The following GABRB1 variants were observed in gnomAD, a reference collection of about 807,000 sequenced individuals.
GABRB1 encodes the protein gamma-aminobutyric acid type A receptor subunit beta1.
A neutral mutation model predicts 51.6 loss-of-function variants in GABRB1; 17 were observed. That is an observed-to-expected ratio of 0.33 (90% CI 0.23 to 0.49). The LOEUF (loss-of-function observed/expected upper bound fraction) is 0.49, where lower values mean the gene tolerates loss of function less well. GABRB1 is among the 20% of genes least tolerant of loss of function. GABRB1 has a pLI of 0.99. For synonymous variants in GABRB1, 247 were observed against 218.9 expected, an observed-to-expected ratio of 1.13 and a Z score of -1.14; for missense variants, 410 against 600.6, an observed-to-expected ratio of 0.68 and a Z score of 3.32.
intron 5 of GABRB1, among the ~76,000 whole-genome samples, chr4:47,326,891 C>G (rs1044938055): frequency 6.6e-6 from 1 of 152,098 alleles, no homozygotes; most frequent in Non-Finnish European, 1.5e-5. Flanking sequence ...TGTTTCCATG[C>G]TTGTTGTTTC....
chr4:47,380,380 G>A (rs1727552099), intron 5 of GABRB1, among the ~76,000 whole-genome samples: 1 of 152,172 alleles, frequency 6.6e-6, no homozygotes, highest in African/African-American at 2.4e-5. Flanking sequence ...GCTCTAAGCT[G>A]TAGAAAAGAA....
At chr4:47,035,812 C>T (rs369879292) in intron 3 of GABRB1, among the ~76,000 whole-genome samples, 6 of 152,154 alleles carry the variant, frequency 3.9e-5, no homozygotes, top group Non-Finnish European at 8.8e-5. Flanking sequence ...ATTTTCTCTT[C>T]GAACAGTAGT....
intron 4 of GABRB1, among the ~76,000 whole-genome samples, chr4:47,308,552 A>C (rs1287588153): frequency 6.6e-6 from 1 of 152,002 alleles, no homozygotes; most frequent in South Asian, 2.1e-4. Context: ...CTTGAATTTT[A>C]CTTTACTCCT....
At chr4:47,300,472 T>A (rs974638997) in intron 4 of GABRB1, among the ~76,000 whole-genome samples, 2 of 152,140 alleles carry the variant, frequency 1.3e-5, no homozygotes, top group African/African-American at 2.4e-5. Context: ...ATATTTTTCA[T>A]AATCTTAAAT....
At chr4:47,261,046 A>T (rs1233578132) in intron 4 of GABRB1, among the ~76,000 whole-genome samples, 1 of 152,144 alleles carries the variant, frequency 6.6e-6, no homozygotes, top group Non-Finnish European at 1.5e-5. Flanking sequence ...GATGGGACAA[A>T]TCTCAAAATA....
At chr4:47,365,907 T>C (rs1380789203) in intron 5 of GABRB1, among the ~76,000 whole-genome samples, 1 of 152,166 alleles carries the variant, frequency 6.6e-6, no homozygotes, top group Non-Finnish European at 1.5e-5. Context: ...GATGCTTTGT[T>C]GTCCAGTTCT....
chr4:47,180,758 T>C (rs1488490113), intron 4 of GABRB1, among the ~76,000 whole-genome samples: 2 of 152,064 alleles, frequency 1.3e-5, no homozygotes, highest in Non-Finnish European at 1.5e-5. Context: ...CAGTTATAAT[T>C]TCATTTAATA....
intron 3 of GABRB1, among the ~76,000 whole-genome samples, chr4:47,121,893 T>G (rs1445587797): frequency 1.3e-5 from 2 of 152,206 alleles, no homozygotes; most frequent in African/African-American, 4.8e-5. Flanking sequence ...CATACTTCAA[T>G]GCATTTAATT....
In GABRB1 at chr4:47,060,880, A is replaced by T. The variant is rs1389780797; in HGVS notation, c.240+28396A>T. ...ACATTATTCATAATTGGTTGGATAA[A>T]TTATACTATTATTCATTTTAAGCAT... On this transcript the variant is annotated intron_variant, in intron 3 of 8. Transcript: ENST00000295454. Among the ~76,000 whole-genome samples the T allele has an allele frequency of 2.0e-5, 3 of 152,326 alleles. No homozygotes were observed. The East Asian group carries it at 5.8e-4, about 29-fold the overall frequency.
chr4:47,052,886 A>G (rs1726417486), intron 3 of GABRB1, among the ~76,000 whole-genome samples: 1 of 152,246 alleles, frequency 6.6e-6, no homozygotes, highest in Non-Finnish European at 1.5e-5. Flanking sequence ...TGAGATGAGT[A>G]CAAGTTTAGT....
chr4:47,420,060 A>C (rs1363037348), intron 8 of GABRB1, among the ~76,000 whole-genome samples: 2 of 152,222 alleles, frequency 1.3e-5, no homozygotes, highest in African/African-American at 4.8e-5. Context: ...ATATATGATT[A>C]ATATACTGCA....
At chr4:47,072,314 T>G (rs1190805756) in intron 3 of GABRB1, among the ~76,000 whole-genome samples, 3 of 152,188 alleles carry the variant, frequency 2.0e-5, no homozygotes. Flanking sequence ...TTCTGGAATG[T>G]ACATTGTTGA....
intron 4 of GABRB1, among the ~76,000 whole-genome samples, chr4:47,316,883 T>C (rs1484117291): frequency 3.3e-5 from 5 of 151,968 alleles, no homozygotes; most frequent in Non-Finnish European, 5.9e-5. Flanking sequence ...AATAAATTGG[T>C]AATGACAGAG....
chr4:47,290,748 C>T (rs1180626952), intron 4 of GABRB1, among the ~76,000 whole-genome samples: 2 of 152,078 alleles, frequency 1.3e-5, no homozygotes, highest in East Asian at 3.9e-4. Context: ...GCATTTTGCC[C>T]CTGCCCTAGA....
intron 5 of GABRB1, among the ~76,000 whole-genome samples, chr4:47,369,438 C>T (rs1316872419): frequency 1.3e-5 from 1 of 76,130 alleles, no homozygotes; most frequent in Non-Finnish European, 2.9e-5. Flanking sequence ...TCTATTTACA[C>T]ACACACACAC....
In GABRB1 at chr4:46,995,751, A is replaced by T. The variant is rs546005489; in HGVS notation, c.-20+1825A>T. Among the ~76,000 whole-genome samples the T allele has an allele frequency of 3.9e-5, 6 of 152,358 alleles. No homozygotes were observed. In the East Asian group the frequency reaches 1.2e-3, roughly 29 times the overall value. On this transcript the variant is annotated intron_variant, in intron 1 of 3. Transcript: ENST00000513567. ...CAATTTTCATTTTAAAAATACACAT[A>T]TCAAAAAATTAAGAAACCAAAATAA...
chr4:47,216,765 A>G (rs1720570887), intron 4 of GABRB1, among the ~76,000 whole-genome samples: 1 of 151,956 alleles, frequency 6.6e-6, no homozygotes, highest in Non-Finnish European at 1.5e-5. Context: ...TTGCATGCAT[A>G]GCGAAGTGGT....
chr4:47,001,354 G>T (rs1283537727), intron 1 of GABRB1, among the ~76,000 whole-genome samples: 11 of 152,160 alleles, frequency 7.2e-5, no homozygotes, highest in Non-Finnish European at 1.5e-4. Context: ...GTGTTAGCCA[G>T]GATGGTCTGA....
chr4:47,050,218 A>G (rs1278196004), intron 3 of GABRB1, among the ~76,000 whole-genome samples: 3 of 152,218 alleles, frequency 2.0e-5, no homozygotes, highest in Non-Finnish European at 4.4e-5. Flanking sequence ...AGGTGGGTGC[A>G]GCACAAAGTG....
Sources: gnomAD v4.1 joint callset for allele counts (sites outside exome capture counted in the v4.1 genomes callset) on GRCh38, gnomAD v4.1.1 for gene constraint, MANE v1.5 for transcripts, NCBI Gene and HGNC (gene_info 2026-07-23, HGNC 2026-07-21) for gene names.